Variants in OGDH observed in about 807,000 individuals in gnomAD.
The protein encoded by OGDH is 2-oxoglutarate dehydrogenase complex component E1.
In OGDH, 38 loss-of-function variants were observed where a neutral mutation model predicts 116.6. That is an observed-to-expected ratio of 0.33 (90% confidence interval 0.25 to 0.43). The LOEUF (loss-of-function observed/expected upper bound fraction) is 0.43. Ranked by LOEUF, OGDH falls within the 20% of genes least tolerant of loss-of-function variation. The pLI is 1.00. For missense variants in OGDH, 825 were observed against 1,357.2 expected (o/e 0.61, Z 6.16); for synonymous variants, 488 against 533.3 (o/e 0.92, Z 1.17).
intron 1 of OGDH, among the ~76,000 whole-genome samples, chr7:44,607,604 G>A (rs1301319760): frequency 6.6e-6 from 1 of 152,212 alleles, no homozygotes; most frequent in Admixed American, 6.5e-5. Flanking sequence ...GTACTTTGCC[G>A]TGTAGACCTA....
chr7:44,660,029 G>T (rs774417456), intron 4 of OGDH, among the ~76,000 whole-genome samples: 1 of 152,052 alleles, frequency 6.6e-6, no homozygotes, highest in Non-Finnish European at 1.5e-5. Flanking sequence ...TTATTGATTA[G>T]AGACTGTCCC....
rs182064546 is a variant in OGDH at position 44,639,589 on chromosome 7, A to G, written c.223-5738A>G. Among the ~76,000 whole-genome samples, 24 of 152,344 alleles carry G rather than the reference A, an allele frequency of 1.6e-4. 1 individual carries two copies. The highest frequency in any genetic ancestry group is 5.8e-4 in the African/African-American group (24 of 41,576). ...GTGTTTAGTGCAGTAGGTTTTGCCA[A>G]ATGTGTGCAGTCACTACACTCGATA... is the stretch of plus-strand genomic sequence containing the variant. On this transcript the variant is annotated intron_variant, in intron 2 of 22. Transcript: ENST00000222673.
At chr7:44,675,063 C>G in intron 7 of OGDH, 115 bp from the exon 8 acceptor site, 3 of 794,760 alleles carry the variant, frequency 3.8e-6, no homozygotes, top group Admixed American at 4.1e-5. Context: ...GGGCTGCAAA[C>G]CGAGGAGGTG....
chr7:44,610,537 C>G (rs1163302229), intron 1 of OGDH, among the ~76,000 whole-genome samples: 1 of 151,968 alleles, frequency 6.6e-6, no homozygotes, highest in Non-Finnish European at 1.5e-5. Context: ...CTCCTGACCT[C>G]GCGATCTGTC....
chr7:44,691,682 A>G (rs1183182522), intron 10 of OGDH, among the ~76,000 whole-genome samples: 1 of 152,118 alleles, frequency 6.6e-6, no homozygotes, highest in Non-Finnish European at 1.5e-5. Context: ...AAAAAGATTA[A>G]TATCCTAGGG....
chr7:44,666,455 T>G lies in OGDH; in HGVS notation c.518-281T>G, dbSNP rs1464962055. Among the ~76,000 whole-genome samples, 3 of 152,216 alleles carry G rather than the reference T, an allele frequency of 2.0e-5. No homozygotes were observed. In the East Asian group the frequency reaches 5.8e-4, roughly 29 times the overall value. On this transcript the variant is annotated intron_variant, in intron 4 of 22. Transcript: ENST00000222673. ...CCTTGAAATAAATTTGTCTCTAAAT[T>G]ATGAATAATTGGTGTACTTAACTAA...
intron 4 of OGDH, among the ~76,000 whole-genome samples, chr7:44,660,567 A>G (rs1446813449): frequency 6.6e-6 from 1 of 152,132 alleles, no homozygotes; most frequent in Non-Finnish European, 1.5e-5. Flanking sequence ...CTGTCTTGGC[A>G]TATGTTTCAT....
Position 44,707,094 on chromosome 7 carries a change from T to C in OGDH, c.2633-131T>C. The C allele has an allele frequency of 1.1e-6, 1 of 885,020 alleles. No individual in the cohort carries two copies. Among genetic ancestry groups the C allele is most frequent in the Non-Finnish European group, 1.7e-6 (1 of 584,414 alleles). 54.8% of individuals were successfully genotyped at this position (885,020 alleles called of 1,614,324 possible). On this transcript the variant is annotated intron_variant, in intron 20 of 22. Coordinates refer to ENST00000222673, the MANE Select transcript of OGDH (RefSeq NM_002541.4). The surrounding 1 kb of genome is among the most constrained non-coding windows in gnomAD (Gnocchi z 5.2). ...GCAAATACAGGGCATCAGAGGCTGG[T>C]GAAGGGGAAGCATCTCTAACCCTTG...
At chr7:44,609,957 C>T (rs773665666) in intron 1 of OGDH, among the ~76,000 whole-genome samples, 1 of 152,126 alleles carries the variant, frequency 6.6e-6, no homozygotes, top group Non-Finnish European at 1.5e-5. Context: ...AACATCTTTT[C>T]ATGTGCTTAT....
intron 1 of OGDH, among the ~76,000 whole-genome samples, chr7:44,611,369 T>C (rs1248679451): frequency 1.3e-5 from 2 of 151,958 alleles, no homozygotes; most frequent in Non-Finnish European, 2.9e-5. Context: ...TCCGGGTTCA[T>C]GCCATTCTCC....
chr7:44,698,242 C>T lies in OGDH; in HGVS notation c.2409C>T (p.Asn803=), dbSNP rs1233099718. The T allele has an allele frequency of 5.0e-6, 8 of 1,613,994 alleles. No homozygotes were observed. Among genetic ancestry groups the T allele is most frequent in the East Asian group, 4.5e-5 (2 of 44,880 alleles). Residue 803 remains asparagine, a synonymous_variant, in exon 18 of 23, where the codon AAC becomes AAT. Transcript: ENST00000222673. ...ARPERFLQMC[N]DDPDVLPDLK... Reference sequence around the variant, plus strand: ...CAGAGCGGTTCTTGCAGATGTGCAACGATGACCCAGATGTCCTGCCAGTGA... The same window carrying T: ...CAGAGCGGTTCTTGCAGATGTGCAATGATGACCCAGATGTCCTGCCAGTGA...
chr7:44,668,029 C>T (rs1787260746), intron 5 of OGDH, among the ~76,000 whole-genome samples: 1 of 152,146 alleles, frequency 6.6e-6, no homozygotes, highest in Non-Finnish European at 1.5e-5. Flanking sequence ...AGCCCAGGTC[C>T]CCTAAATCAG....
chr7:44,672,099 A>T (rs995225924), intron 5 of OGDH, among the ~76,000 whole-genome samples: 2 of 152,088 alleles, frequency 1.3e-5, no homozygotes, highest in Admixed American at 6.6e-5. Flanking sequence ...ATTAATTAAA[A>T]AAAAAACCTT....
At chr7:44,681,230 C>CT (rs1787916800) in intron 9 of OGDH, among the ~76,000 whole-genome samples, 1 of 152,200 alleles carries the variant, frequency 6.6e-6, no homozygotes, top group Non-Finnish European at 1.5e-5. Flanking sequence ...CAGACAGCAG[C>CT]CTCCCAGGTG....
At chr7:44,680,314 A>G (rs1222622268) in intron 9 of OGDH, among the ~76,000 whole-genome samples, 3 of 152,160 alleles carry the variant, frequency 2.0e-5, no homozygotes, top group African/African-American at 7.2e-5. Context: ...TCTGACTAAT[A>G]CAAGGGTTTT....
chr7:44,684,859 G>A (rs1788065207), intron 10 of OGDH, among the ~76,000 whole-genome samples: 1 of 151,596 alleles, frequency 6.6e-6, no homozygotes, highest in South Asian at 2.1e-4. Flanking sequence ...GCGTGATCTT[G>A]GCTCACTGCA....
rs765820920 is a variant in OGDH, at chr7:44,697,750, G to A, written c.2326G>A (p.Val776Met). The A allele has an allele frequency of 3.7e-6, 6 of 1,614,162 alleles. No individual in the cohort carries two copies. Among genetic ancestry groups the A allele is most frequent in the South Asian group, 1.1e-5 (1 of 91,086 alleles). ...QAKWVRQNGI[V>M]LLLPHGMEGM... ...CAAGTGGGTGCGGCAGAATGGCATC[G>A]TGTTGCTGCTGCCCCATGGCATGGA... is the stretch of plus-strand genomic sequence containing the variant. The change falls in exon 17 of 23, where the codon GTG (valine) becomes ATG (methionine). Residue 776 changes from valine (V) to methionine (M), a missense_variant. Val to Met is a conservative substitution (Grantham distance 21, BLOSUM62 1). Coordinates refer to ENST00000222673, the MANE Select transcript of OGDH (RefSeq NM_002541.4). This position sits in a 1 kb window ranked among gnomAD's most constrained non-coding sequence, Gnocchi z 6.0.
At chr7:44,677,031 G>A (rs1428918012) in intron 9 of OGDH, among the ~76,000 whole-genome samples, 1 of 152,114 alleles carries the variant, frequency 6.6e-6, no homozygotes, top group Admixed American at 6.6e-5. Flanking sequence ...TGACTCGCCT[G>A]CCTGCTTGTG....
intron 2 of OGDH, among the ~76,000 whole-genome samples, chr7:44,640,242 T>C (rs1785868825): frequency 6.6e-6 from 1 of 152,188 alleles, no homozygotes; most frequent in Non-Finnish European, 1.5e-5. Context: ...TGACCAGAGT[T>C]CTTTAAGCGT....
Sources: allele counts gnomAD v4.1 joint callset (sites outside exome capture counted in the v4.1 genomes callset), GRCh38; gene constraint gnomAD v4.1.1; non-coding constraint Gnocchi (gnomAD v3.1); transcripts MANE v1.5; gene names NCBI Gene and HGNC (gene_info 2026-07-23, HGNC 2026-07-21).